GRM5: variants seen among roughly 807,000 people sequenced by gnomAD.
GRM5 encodes the protein glutamate metabotropic receptor 5.
GRM5 carries 19 observed loss-of-function variants against 83.1 expected under a neutral mutation model. The ratio of observed to expected loss-of-function variants is 0.23; its 90% CI spans 0.16 to 0.34. GRM5 has a LOEUF of 0.34. Among genes scored for constraint, GRM5 ranks in the 10% least tolerant of loss-of-function variants. The probability of loss-of-function intolerance (pLI) is 1.00; values close to 1 mark genes in which losing one functional copy is unlikely to be tolerated. For missense variants in GRM5, 1,160 were observed against 1,588.3 expected (o/e 0.73, Z 4.58); for synonymous variants, 675 against 633.6 (o/e 1.07, Z -0.98).
intron 7 of GRM5, among the ~76,000 whole-genome samples, chr11:88,587,009 A>T (rs1178725515): frequency 6.6e-6 from 1 of 152,198 alleles, no homozygotes; most frequent in African/African-American, 2.4e-5. Flanking sequence ...GGAGGTTGAC[A>T]CGTATTTACC....
intron 3 of GRM5, among the ~76,000 whole-genome samples, chr11:88,714,066 A>T (rs918499870): frequency 3.3e-5 from 5 of 152,020 alleles, no homozygotes; most frequent in African/African-American, 1.2e-4. Context: ...TGCAAAGAAC[A>T]TAGATTTTAG....
chr11:88,710,129 A>G (rs1941250838), intron 3 of GRM5, among the ~76,000 whole-genome samples: 1 of 152,154 alleles, frequency 6.6e-6, no homozygotes, highest in Non-Finnish European at 1.5e-5. Flanking sequence ...TTCAGATAAG[A>G]TTTCCTGAAG....
chr11:88,877,346 A>T (rs1944872291), intron 2 of GRM5, among the ~76,000 whole-genome samples: 1 of 152,124 alleles, frequency 6.6e-6, no homozygotes, highest in Non-Finnish European at 1.5e-5. Flanking sequence ...CAAGTATTAG[A>T]AAGACTACAG....
chr11:88,806,107 T>G (rs1943495537), intron 3 of GRM5, among the ~76,000 whole-genome samples: 1 of 152,160 alleles, frequency 6.6e-6, no homozygotes, highest in African/African-American at 2.4e-5. Flanking sequence ...AGTTTTCTCA[T>G]CTGCACAATG....
intron 8 of GRM5, among the ~76,000 whole-genome samples, chr11:88,528,200 C>T (rs1251108745): frequency 6.6e-6 from 1 of 151,872 alleles, no homozygotes; most frequent in African/African-American, 2.4e-5. Flanking sequence ...ACAATAATAA[C>T]AAAACTCATT....
At chr11:89,033,676 A>G (rs1484092097) in intron 2 of GRM5, among the ~76,000 whole-genome samples, 1 of 151,918 alleles carries the variant, frequency 6.6e-6, no homozygotes, top group African/African-American at 2.4e-5. Context: ...AAAAGTATGT[A>G]ACAGGTTTTG....
In GRM5 at chr11:88,953,716, C is replaced by T. The variant is rs149113829; in HGVS notation, c.661+93496G>A. 2.4e-4 allele frequency among the ~76,000 whole-genome samples: 35 copies of T among 148,926 alleles called. 1 individual carries two copies. Among genetic ancestry groups the T allele is most frequent in the African/African-American group, 6.9e-4 (28 of 40,816 alleles). ...ATGTTGGATACTTAATTCTAATATCCATGCTGCTGAATCATGTAATTTATG... is the reference window on the plus strand; with the variant it reads ...ATGTTGGATACTTAATTCTAATATCTATGCTGCTGAATCATGTAATTTATG... On this transcript the variant is annotated intron_variant, in intron 2 of 9. Coordinates refer to ENST00000305447, the MANE Select transcript of GRM5 (RefSeq NM_001143831.3).
intron 2 of GRM5, among the ~76,000 whole-genome samples, chr11:88,936,216 A>G (rs2135657258): frequency 6.6e-6 from 1 of 151,988 alleles, no homozygotes; most frequent in Non-Finnish European, 1.5e-5. Context: ...TGCTAATCTG[A>G]CTAGCATCTT....
At chr11:88,707,453 A>C (rs1941189415) in intron 3 of GRM5, among the ~76,000 whole-genome samples, 1 of 152,126 alleles carries the variant, frequency 6.6e-6, no homozygotes, top group Admixed American at 6.6e-5. Flanking sequence ...ACACCTGTCC[A>C]TATATTTTTC....
intron 3 of GRM5, among the ~76,000 whole-genome samples, chr11:88,711,797 G>GC (rs1222767143): frequency 1.4e-5 from 1 of 70,458 alleles, no homozygotes; most frequent in African/African-American, 4.1e-5. Flanking sequence ...AGGAACAAAA[G>GC]TTTAGAGACT....
chr11:88,585,491 G>A (rs1943294757), intron 7 of GRM5, among the ~76,000 whole-genome samples: 1 of 152,002 alleles, frequency 6.6e-6, no homozygotes, highest in Non-Finnish European at 1.5e-5. Context: ...TAGTTTACCA[G>A]GCTCCCCAAA....
chr11:88,795,063 T>C (rs910126739), intron 3 of GRM5, among the ~76,000 whole-genome samples: 1 of 152,194 alleles, frequency 6.6e-6, no homozygotes, highest in African/African-American at 2.4e-5. Flanking sequence ...CAAACAAGAA[T>C]ATTTTAACAA....
intron 3 of GRM5, among the ~76,000 whole-genome samples, chr11:88,707,703 G>T (rs548147650): frequency 1.1e-4 from 17 of 152,136 alleles, no homozygotes; most frequent in African/African-American, 4.1e-4. Flanking sequence ...GATGACTGTG[G>T]CCAGCTAATG....
In GRM5 at chr11:88,903,675, C is replaced by T. The variant is rs941453358; in HGVS notation, c.662-53520G>A. 2.6e-5 allele frequency among the ~76,000 whole-genome samples: 4 copies of T among 152,066 alleles called. No homozygotes were observed. In the South Asian group the frequency reaches 8.3e-4, roughly 31 times the overall value. ...AATACAAATTCAACATTCTCACTTA[C>T]AAGTAGGAACTAAAATAACATGTTT... On this transcript the variant is annotated intron_variant, in intron 2 of 9. Transcript: ENST00000305447.
chr11:88,630,726 G>A (rs1056187093), intron 4 of GRM5, among the ~76,000 whole-genome samples: 10 of 151,982 alleles, frequency 6.6e-5, no homozygotes, highest in African/African-American at 9.7e-5. Flanking sequence ...TTACAGGCAT[G>A]CACCACCATG....
chr11:88,543,444 G>A (rs1942316159), intron 8 of GRM5, among the ~76,000 whole-genome samples: 1 of 152,092 alleles, frequency 6.6e-6, no homozygotes, highest in South Asian at 2.1e-4. Flanking sequence ...GTTTCTGAAG[G>A]CAGGGACCAT....
intron 2 of GRM5, among the ~76,000 whole-genome samples, chr11:88,992,033 A>C (rs1319783126): frequency 1.3e-5 from 2 of 152,172 alleles, no homozygotes; most frequent in African/African-American, 4.8e-5. Flanking sequence ...TAAACTAAAG[A>C]GCTTCTGTAC....
chr11:88,763,511 CAT>C (rs2135441024), intron 3 of GRM5, among the ~76,000 whole-genome samples: 1 of 151,652 alleles, frequency 6.6e-6, no homozygotes, highest in African/African-American at 2.4e-5. Context: ...TTATTTTCCT[CAT>C]AATTTATAAG....
chr11:88,693,445 T>A (rs1188351581), intron 3 of GRM5, among the ~76,000 whole-genome samples: 1 of 152,120 alleles, frequency 6.6e-6, no homozygotes, highest in African/African-American at 2.4e-5. Flanking sequence ...TCAAACAGTC[T>A]CCCTCATTCC....
Sources: gnomAD v4.1 joint callset for allele counts (sites outside exome capture counted in the v4.1 genomes callset) on GRCh38, gnomAD v4.1.1 for gene constraint, MANE v1.5 for transcripts, NCBI Gene and HGNC (gene_info 2026-07-23, HGNC 2026-07-21) for gene names.